The following SKAP1 variants were observed in gnomAD, a reference collection of about 807,000 sequenced individuals.
SKAP1 encodes the protein src kinase associated phosphoprotein 1, also known as src kinase-associated phosphoprotein 1.
Under a neutral mutation model 58.5 loss-of-function variants are expected in SKAP1, and 44 were observed. The ratio of observed to expected loss-of-function variants is 0.75; its 90% CI spans 0.59 to 0.97. The LOEUF (loss-of-function observed/expected upper bound fraction) is 0.97. Among genes scored for constraint, SKAP1 ranks in the 50% least tolerant of loss-of-function variants. SKAP1 has a pLI of 0.00. For missense variants in SKAP1, 390 were observed against 435.2 expected, an observed-to-expected ratio of 0.90 and a Z score of 0.92; for synonymous variants, 127 against 149.7, an observed-to-expected ratio of 0.85 and a Z score of 1.11.
chr17:48,309,030 A>C (rs1239771625), intron 4 of SKAP1, among the ~76,000 whole-genome samples: 1 of 152,134 alleles, frequency 6.6e-6, no homozygotes, highest in Non-Finnish European at 1.5e-5. Flanking sequence ...TGATCGGGGT[A>C]ACTGACGGTG....
intron 4 of SKAP1, among the ~76,000 whole-genome samples, chr17:48,258,453 T>C (rs1225781312): frequency 6.6e-6 from 1 of 152,124 alleles, no homozygotes; most frequent in Non-Finnish European, 1.5e-5. Flanking sequence ...CTGGAAGCCT[T>C]CCTTAAAGCA....
chr17:48,303,875 C>T (rs1406746657), intron 4 of SKAP1, among the ~76,000 whole-genome samples: 1 of 152,142 alleles, frequency 6.6e-6, no homozygotes, highest in East Asian at 1.9e-4. Flanking sequence ...GTACAGGTCA[C>T]TAGACTATTC....
intron 4 of SKAP1, among the ~76,000 whole-genome samples, chr17:48,319,181 G>A (rs2144213654): frequency 6.6e-6 from 1 of 152,260 alleles, no homozygotes; most frequent in Admixed American, 6.5e-5. Context: ...AGATTTAAAG[G>A]TACATTGCAG....
intron 1 of SKAP1, among the ~76,000 whole-genome samples, chr17:48,418,620 C>T (rs981134313): frequency 3.9e-5 from 6 of 152,114 alleles, no homozygotes; most frequent in Admixed American, 3.9e-4. Context: ...TAAATGAGTG[C>T]TTATGTTCAC....
chr17:48,406,287 C>A (rs1024236979), intron 1 of SKAP1, among the ~76,000 whole-genome samples: 2 of 143,696 alleles, frequency 1.4e-5, no homozygotes, highest in Non-Finnish European at 3.1e-5. Flanking sequence ...AACAAAAAAA[C>A]AACAACAAAA....
intron 4 of SKAP1, among the ~76,000 whole-genome samples, chr17:48,322,518 C>T (rs1177394566): frequency 6.6e-6 from 1 of 152,130 alleles, no homozygotes; most frequent in Non-Finnish European, 1.5e-5. Flanking sequence ...TTGATTGTTG[C>T]CATGGGTAAG....
chr17:48,260,286 G>A (rs923057139), intron 4 of SKAP1, among the ~76,000 whole-genome samples: 2 of 152,122 alleles, frequency 1.3e-5, no homozygotes, highest in Admixed American at 6.6e-5. Context: ...GAAATCTCCT[G>A]TTTGAATGTG....
In SKAP1 at chr17:48,290,704, GCCTAGAACAGTA is replaced by G. The variant is rs547051079; in HGVS notation, c.280+55189_280+55200del. Among the ~76,000 whole-genome samples the G allele has an allele frequency of 2.2e-3, 335 of 152,242 alleles. 2 individuals carry two copies. The highest frequency in any genetic ancestry group is 7.5e-3 in the African/African-American group (310 of 41,538). On this transcript the variant is annotated intron_variant, in intron 4 of 12. Coordinates refer to ENST00000336915, the MANE Select transcript of SKAP1 (RefSeq NM_003726.4). ...GGTTTTCCACTGACATATCTCCAGTGCCTAGAACAGTACCTGGCACATAGTAGGTGCCCAGTA... is the reference window on the plus strand; with the variant it reads ...GGTTTTCCACTGACATATCTCCAGTGCCTGGCACATAGTAGGTGCCCAGTA...
At chr17:48,404,033 G>A (rs901776110) in intron 1 of SKAP1, among the ~76,000 whole-genome samples, 1 of 150,280 alleles carries the variant, frequency 6.7e-6, no homozygotes, top group African/African-American at 2.5e-5. Context: ...AGAGTGCAGT[G>A]AGCTGAGATT....
intron 1 of SKAP1, among the ~76,000 whole-genome samples, chr17:48,427,485 T>C (rs1165979720): frequency 6.6e-6 from 1 of 152,064 alleles, no homozygotes; most frequent in African/African-American, 2.4e-5. Context: ...AGAAGTGAGG[T>C]TTCTAGGTCG....
chr17:48,393,268 G>T (rs2067372870), intron 2 of SKAP1, among the ~76,000 whole-genome samples: 1 of 152,114 alleles, frequency 6.6e-6, no homozygotes, highest in Non-Finnish European at 1.5e-5. Context: ...TTTATTTTGT[G>T]TTACATGGAA....
At chr17:48,152,645 C>T (rs1598370031) in intron 11 of SKAP1, among the ~76,000 whole-genome samples, 2 of 152,236 alleles carry the variant, frequency 1.3e-5, no homozygotes, top group Middle Eastern at 3.4e-3. Flanking sequence ...ATGGGCATAT[C>T]TAATAAATTC....
chr17:48,224,206 G>T (rs1488367743), intron 4 of SKAP1, among the ~76,000 whole-genome samples: 1 of 152,174 alleles, frequency 6.6e-6, no homozygotes, highest in Non-Finnish European at 1.5e-5. Context: ...ACTGATGCCT[G>T]GAGCTTTTGG....
At chr17:48,391,645 T>C (rs866327950) in intron 2 of SKAP1, among the ~76,000 whole-genome samples, 2 of 152,178 alleles carry the variant, frequency 1.3e-5, no homozygotes, top group African/African-American at 2.4e-5. Flanking sequence ...TTTTCTTCCT[T>C]TAAGGATGGG....
At chr17:48,146,849 A>C (rs551218788) in intron 11 of SKAP1, among the ~76,000 whole-genome samples, 1 of 152,152 alleles carries the variant, frequency 6.6e-6, no homozygotes, top group South Asian at 2.1e-4. Context: ...GCTGGTCTCG[A>C]ACTCCTGACC....
At chr17:48,312,365 C>G (rs1298102151) in intron 4 of SKAP1, among the ~76,000 whole-genome samples, 1 of 152,182 alleles carries the variant, frequency 6.6e-6, no homozygotes, top group Non-Finnish European at 1.5e-5. Flanking sequence ...ATATACTTCT[C>G]TTTCTTAAAA....
chr17:48,442,777 T>G, the SKAP1 span, among the ~76,000 whole-genome samples: 1 of 152,202 alleles, frequency 6.6e-6, no homozygotes, highest in East Asian at 1.9e-4. Flanking sequence ...TCTTCTACCT[T>G]GCAACCCTCT....
intron 3 of SKAP1, among the ~76,000 whole-genome samples, chr17:48,360,206 A>G (rs767135614): frequency 1.3e-5 from 2 of 152,102 alleles, no homozygotes; most frequent in African/African-American, 2.4e-5. Flanking sequence ...TTTAAATATT[A>G]TGTCATTTGT....
chr17:48,155,372 C>A (rs1439821655), intron 11 of SKAP1, among the ~76,000 whole-genome samples: 1 of 151,380 alleles, frequency 6.6e-6, no homozygotes, highest in Admixed American at 6.6e-5. Flanking sequence ...AGGCAATCCA[C>A]CTGCCTCGGC....
Sources: allele counts gnomAD v4.1 joint callset (sites outside exome capture counted in the v4.1 genomes callset), GRCh38; gene constraint gnomAD v4.1.1; transcripts MANE v1.5; gene names NCBI Gene and HGNC (gene_info 2026-07-23, HGNC 2026-07-21).